The following SPATA9 variants were observed in gnomAD, a reference collection of about 807,000 sequenced individuals.
SPATA9 encodes the protein spermatogenesis-associated protein 9.
Under a neutral mutation model 25.5 loss-of-function variants are expected in SPATA9, and 27 were observed. The observed-to-expected ratio is 1.06, with a 90% CI of 0.78 to 1.46. The LOEUF (loss-of-function observed/expected upper bound fraction) is 1.46. Ranked by LOEUF, SPATA9 falls within the 40% of genes most tolerant of loss-of-function variation. SPATA9 has a pLI of 0.00. For synonymous variants in SPATA9, 102 were observed against 105.7 expected (o/e 0.97, Z 0.21); for missense variants, 282 against 297.5 (o/e 0.95, Z 0.38).
chr5:95,667,255 CTCT>C (rs779995107), intron 3 of SPATA9, among the ~76,000 whole-genome samples: 12 of 141,104 alleles, frequency 8.5e-5, no homozygotes, highest in Non-Finnish European at 1.5e-4. Context: ...TCCTTCTTCC[CTCT>C]TAAGTGATTT....
chr5:95,729,624 A>G, the SPATA9 span, among the ~76,000 whole-genome samples: 1 of 152,220 alleles, frequency 6.6e-6, no homozygotes, highest in Admixed American at 6.5e-5. Context: ...AGATCTCTGT[A>G]ACTTTTTCTT....
chr5:95,708,714 C>T, the SPATA9 span: 47 of 686,708 alleles, frequency 6.8e-5, no homozygotes, highest in South Asian at 2.5e-4. Flanking sequence ...CTCCTATGAC[C>T]GGTAAGTTGT....
At chr5:95,731,985 G>A in the SPATA9 span, 2 of 1,614,192 alleles carry the variant, frequency 1.2e-6, no homozygotes, top group Admixed American at 3.3e-5. Flanking sequence ...GCAGCTTGTT[G>A]CTGAACGCGG....
At chr5:95,687,605 T>G (rs1252773650), upstream of SPATA9, among the ~76,000 whole-genome samples, 1 of 152,220 alleles carries the variant, frequency 6.6e-6, no homozygotes, top group East Asian at 1.9e-4. Flanking sequence ...AATTACCATA[T>G]TTTACAATTC....
the SPATA9 span, chr5:95,713,558 C>T: frequency 3.3e-5 from 5 of 152,090 alleles, no homozygotes; most frequent in Non-Finnish European, 7.3e-5. Context: ...TGAGGCCTCC[C>T]CAGAAGCAGA....
chr5:95,725,481 T>C, the SPATA9 span, among the ~76,000 whole-genome samples: 1 of 152,388 alleles, frequency 6.6e-6, no homozygotes, highest in South Asian at 2.1e-4. Context: ...GCGTCATGTG[T>C]GCACACACAC....
intron 3 of SPATA9, among the ~76,000 whole-genome samples, chr5:95,671,087 A>G (rs1211997198): frequency 2.6e-5 from 4 of 152,186 alleles, no homozygotes; most frequent in Non-Finnish European, 5.9e-5. Flanking sequence ...TCTCCAAATA[A>G]GTCATGTTCT....
At chr5:95,731,403 T>G in the SPATA9 span, 1 of 1,183,102 alleles carries the variant, frequency 8.5e-7, no homozygotes, top group Non-Finnish European at 1.0e-6. Context: ...CTGCGTCCAC[T>G]TGGGGCTGTG....
At chr5:95,659,026 T>A in intron 4 of SPATA9, 113 bp from the exon 5 acceptor site, 1 of 1,337,572 alleles carries the variant, frequency 7.5e-7, no homozygotes, top group East Asian at 2.4e-5. Flanking sequence ...CATAATCTAA[T>A]AAAAAACACT....
intron 1 of SPATA9, among the ~76,000 whole-genome samples, chr5:95,695,901 G>C (rs1032873430): frequency 6.6e-6 from 1 of 152,128 alleles, no homozygotes; most frequent in Non-Finnish European, 1.5e-5. Context: ...TTACAAAAAG[G>C]CTGTGGCTTC....
intron 1 of SPATA9, among the ~76,000 whole-genome samples, chr5:95,689,716 A>C (rs1753836037): frequency 6.6e-6 from 1 of 152,224 alleles, no homozygotes; most frequent in Non-Finnish European, 1.5e-5. Flanking sequence ...CCCAATTAGA[A>C]GACATACTTT....
At chr5:95,711,811 T>C in the SPATA9 span, among the ~76,000 whole-genome samples, 2 of 152,192 alleles carry the variant, frequency 1.3e-5, no homozygotes, top group Admixed American at 6.5e-5. Context: ...GGAGGAGGAT[T>C]CCTGACCAAA....
intron 1 of SPATA9, among the ~76,000 whole-genome samples, chr5:95,694,246 T>C (rs752295826): frequency 2.0e-5 from 3 of 152,216 alleles, no homozygotes; most frequent in Non-Finnish European, 4.4e-5. Context: ...TTATGATCTT[T>C]AGTTAGAAGT....
chr5:95,730,924 G>A, the SPATA9 span: 4,753 of 456,732 alleles, frequency 0.01, 41 homozygotes, highest in Non-Finnish European at 0.014. Context: ...AAGGCCAAGA[G>A]GGGGGGAAAT....
At chr5:95,662,767 A>AT (rs1484138115) in intron 4 of SPATA9, among the ~76,000 whole-genome samples, 34 of 152,372 alleles carry the variant, frequency 2.2e-4, no homozygotes, top group African/African-American at 7.9e-4. Context: ...CAAAGAGGAT[A>AT]TCCAAATGTC....
Position 95,658,882 on chromosome 5 carries a change from A to T in SPATA9, c.506T>A (p.Val169Glu). ...TTCTTCTTCCTGGAAGATGTTCTTT[A>T]CCTTCTTCAGCACAGCATTAACACA... ...AVCVNAVLKKVKNIFQEEESI... is the reference protein window; with the variant it reads ...AVCVNAVLKKEKNIFQEEESI... Residue 169 changes from valine (V) to glutamate (E), a missense_variant, in exon 5 of 5, where the codon GTA becomes GAA. Physicochemically the swap from Val to Glu is moderately radical, Grantham distance 121 (BLOSUM62 -2). Transcript: ENST00000274432. 2 of 1,613,616 alleles carry T rather than the reference A, an allele frequency of 1.2e-6. No homozygotes were observed. The highest frequency in any genetic ancestry group is 1.7e-6 in the Non-Finnish European group (2 of 1,179,786).
intron 1 of SPATA9, among the ~76,000 whole-genome samples, chr5:95,693,284 C>CT (rs1753934274): frequency 6.6e-6 from 1 of 152,208 alleles, no homozygotes; most frequent in Non-Finnish European, 1.5e-5. Context: ...AGAATGTTCA[C>CT]TGCTACAATT....
At chr5:95,711,118 C>T in the SPATA9 span, among the ~76,000 whole-genome samples, 1 of 152,058 alleles carries the variant, frequency 6.6e-6, no homozygotes, top group South Asian at 2.1e-4. Context: ...GGTTTCCGAG[C>T]GGCTCCCTTA....
intron 4 of SPATA9, among the ~76,000 whole-genome samples, chr5:95,661,759 G>A (rs1000228154): frequency 1.1e-4 from 17 of 151,776 alleles, no homozygotes. Context: ...TTTTTTCAAG[G>A]ATATTTAGCT....
Sources: gnomAD v4.1 joint callset for allele counts (sites outside exome capture counted in the v4.1 genomes callset) on GRCh38, gnomAD v4.1.1 for gene constraint, MANE v1.5 for transcripts, NCBI Gene and HGNC (gene_info 2026-07-23, HGNC 2026-07-21) for gene names.